The following ATG5 variants were observed in gnomAD, a reference collection of about 807,000 sequenced individuals.
The protein encoded by ATG5 is autophagy protein 5.
ATG5 carries 14 observed loss-of-function variants against 36.5 expected under a neutral mutation model. The observed-to-expected ratio is 0.38, with a 90% CI of 0.25 to 0.60. The LOEUF is 0.60. ATG5 is among the 20% of genes least tolerant of loss of function. The pLI, the probability that ATG5 is intolerant of heterozygous loss-of-function variation, is 0.60. For synonymous variants in ATG5, 95 were observed against 101.5 expected (o/e 0.94, Z 0.38); for missense variants, 195 against 326.7 (o/e 0.60, Z 3.11).
At chr6:106,216,812 G>C (rs574010578) in intron 6 of ATG5, among the ~76,000 whole-genome samples, 1 of 152,186 alleles carries the variant, frequency 6.6e-6, no homozygotes, top group East Asian at 1.9e-4. Context: ...AGGAGTTCCA[G>C]GCTGTACTGC....
chr6:106,221,433 C>G (rs1777242538), intron 6 of ATG5, among the ~76,000 whole-genome samples: 1 of 152,038 alleles, frequency 6.6e-6, no homozygotes, highest in Admixed American at 6.5e-5. Flanking sequence ...CACCTGTAGT[C>G]CCAGCACTTT....
intron 1 of ATG5, among the ~76,000 whole-genome samples, chr6:106,323,423 T>C (rs969578155): frequency 3.2e-4 from 48 of 151,756 alleles, no homozygotes; most frequent in African/African-American, 1.1e-3. Flanking sequence ...TACAGGCTCA[T>C]GCCACTATGC....
At chr6:106,208,705 C>T (rs993309712) in intron 6 of ATG5, among the ~76,000 whole-genome samples, 61 of 152,234 alleles carry the variant, frequency 4.0e-4, no homozygotes, top group African/African-American at 1.5e-3. Context: ...TTTTGTTCTG[C>T]AAAAGATCCT....
At chr6:106,240,088 G>T (rs928609628) in intron 6 of ATG5, among the ~76,000 whole-genome samples, 1 of 151,790 alleles carries the variant, frequency 6.6e-6, no homozygotes, top group African/African-American at 2.4e-5. Flanking sequence ...AACCTCCCAG[G>T]TTCAAGTAAT....
At chr6:106,262,529 A>G (rs1054389977) in intron 5 of ATG5, among the ~76,000 whole-genome samples, 1 of 152,176 alleles carries the variant, frequency 6.6e-6, no homozygotes, top group Admixed American at 6.5e-5. Flanking sequence ...AGAAAATCAT[A>G]AAGTTCTTAA....
chr6:106,193,493 T>C (rs1286514777), intron 7 of ATG5, among the ~76,000 whole-genome samples: 2 of 152,136 alleles, frequency 1.3e-5, no homozygotes, highest in African/African-American at 2.4e-5. Context: ...ATTTAAATAA[T>C]ATAAAAAATC....
At chr6:106,200,484 T>C (rs1461818041) in intron 7 of ATG5, among the ~76,000 whole-genome samples, 2 of 152,072 alleles carry the variant, frequency 1.3e-5, no homozygotes, top group African/African-American at 4.8e-5. Context: ...GCAATTTTTT[T>C]TTTTTTTTGA....
chr6:106,297,342 T>C (rs1478381532), intron 3 of ATG5, among the ~76,000 whole-genome samples: 1 of 152,100 alleles, frequency 6.6e-6, no homozygotes, highest in Admixed American at 6.5e-5. Context: ...TTAGATCACA[T>C]AGAAATGAAA....
In ATG5 at chr6:106,185,830, A is replaced by G. The variant is rs1024279758; in HGVS notation, c.*710T>C. ...GCCCTATATCCACCCCATGCCAATG[A>G]CGACCAGTCAAAATGGTAACACAGA... is the stretch of plus-strand genomic sequence containing the variant. On this transcript the variant is annotated 3_prime_UTR_variant, in exon 8 of 8. Transcript: ENST00000369076. 2 of 152,564 alleles carry G rather than the reference A, an allele frequency of 1.3e-5. No homozygotes were observed. The highest frequency in any genetic ancestry group is 2.9e-5 in the Non-Finnish European group (2 of 68,032). 9.5% of individuals were successfully genotyped at this position (152,564 alleles called of 1,614,324 possible). A position where few individuals can be genotyped will look rare whatever the true frequency, so the allele number is the denominator to read the frequency against.
chr6:106,263,460 A>G (rs1458941511), intron 5 of ATG5, among the ~76,000 whole-genome samples: 2 of 152,162 alleles, frequency 1.3e-5, no homozygotes, highest in Non-Finnish European at 2.9e-5. Context: ...TGAAGAGAGG[A>G]GCTGATCCTG....
intron 5 of ATG5, among the ~76,000 whole-genome samples, chr6:106,257,038 A>AT (rs1304644977): frequency 6.6e-6 from 1 of 152,180 alleles, no homozygotes; most frequent in Non-Finnish European, 1.5e-5. Flanking sequence ...TTAAAAATTT[A>AT]TTTTTTTAAC....
intron 5 of ATG5, among the ~76,000 whole-genome samples, chr6:106,249,049 C>T (rs552166769): frequency 1.3e-5 from 2 of 152,224 alleles, no homozygotes; most frequent in South Asian, 4.1e-4. Context: ...TTATGAAGTG[C>T]CAACTGCAGC....
intron 5 of ATG5, among the ~76,000 whole-genome samples, chr6:106,251,478 C>A (rs1243604182): frequency 1.3e-5 from 2 of 149,702 alleles, no homozygotes; most frequent in Non-Finnish European, 3.0e-5. Context: ...GCCTGCTTAA[C>A]CCACTGATTA....
intron 5 of ATG5, among the ~76,000 whole-genome samples, chr6:106,274,373 T>C (rs1039089740): frequency 7.9e-5 from 12 of 152,194 alleles, no homozygotes; most frequent in Admixed American, 7.2e-4. Flanking sequence ...CAGTATGTCC[T>C]AAATGAGTTT....
At chr6:106,272,740 C>T (rs558319114) in intron 5 of ATG5, among the ~76,000 whole-genome samples, 1 of 152,346 alleles carries the variant, frequency 6.6e-6, no homozygotes, top group African/African-American at 2.4e-5. Flanking sequence ...CTTATACTGG[C>T]TAGCTAATCC....
intron 2 of ATG5, among the ~76,000 whole-genome samples, chr6:106,315,609 G>C (rs193133305): frequency 6.6e-6 from 1 of 151,088 alleles, no homozygotes; most frequent in Non-Finnish European, 1.5e-5. Context: ...TGAACGTATC[G>C]TGTGTGTGTA....
chr6:106,248,026 T>G (rs893249236), intron 6 of ATG5, 124 bp downstream of exon 6: 24 of 667,098 alleles, frequency 3.6e-5, no homozygotes, highest in Non-Finnish European at 5.2e-5. Context: ...AAAGACACAG[T>G]TTGGAAAACC....
At chr6:106,312,174 G>A (rs927047251) in intron 2 of ATG5, among the ~76,000 whole-genome samples, 3 of 152,096 alleles carry the variant, frequency 2.0e-5, no homozygotes, top group Non-Finnish European at 4.4e-5. Context: ...TGTAGCAGTG[G>A]GGGATGAAAG....
intron 7 of ATG5, among the ~76,000 whole-genome samples, chr6:106,197,584 A>T (rs1375598586): frequency 6.6e-6 from 1 of 151,812 alleles, no homozygotes; most frequent in African/African-American, 2.4e-5. Flanking sequence ...CTGGGTGTGG[A>T]GGAGTGAGTT....
Sources: allele counts gnomAD v4.1 joint callset (sites outside exome capture counted in the v4.1 genomes callset), GRCh38; gene constraint gnomAD v4.1.1; transcripts MANE v1.5; gene names NCBI Gene and HGNC (gene_info 2026-07-23, HGNC 2026-07-21).